INPP4B: variants seen among roughly 807,000 people sequenced by gnomAD.
INPP4B encodes inositol polyphosphate 4-phosphatase type II.
Under a neutral mutation model 122.5 loss-of-function variants are expected in INPP4B, and 55 were observed. That is an observed-to-expected ratio of 0.45 (90% CI 0.36 to 0.56). The LOEUF (loss-of-function observed/expected upper bound fraction) is 0.56. Among genes scored for constraint, INPP4B ranks in the 20% least tolerant of loss-of-function variants. The pLI, the probability that INPP4B is intolerant of heterozygous loss-of-function variation, is 0.00. For missense variants in INPP4B, 1,000 were observed against 1,097.7 expected (o/e 0.91, Z 1.26); for synonymous variants, 403 against 388.7 (o/e 1.04, Z -0.43).
chr4:142,805,282 G>C (rs928395341), intron 1 of INPP4B, among the ~76,000 whole-genome samples: 2 of 152,146 alleles, frequency 1.3e-5, no homozygotes, highest in Non-Finnish European at 2.9e-5. Context: ...AAGGATGTCC[G>C]CAATCACTGT....
At chr4:142,103,983 TA>T (rs903241057) in intron 23 of INPP4B, among the ~76,000 whole-genome samples, 6 of 151,798 alleles carry the variant, frequency 4.0e-5, no homozygotes, top group South Asian at 2.1e-4. Context: ...TAGAACAGGT[TA>T]AAAAAAAGCC....
At chr4:142,711,286 C>T (rs964106882) in intron 2 of INPP4B, among the ~76,000 whole-genome samples, 16 of 152,154 alleles carry the variant, frequency 1.1e-4, no homozygotes, top group African/African-American at 2.4e-4. Context: ...CCCACCACAA[C>T]GTACTCTGAC....
chr4:142,225,947 A>G (rs1851359899), intron 12 of INPP4B, among the ~76,000 whole-genome samples: 1 of 152,236 alleles, frequency 6.6e-6, no homozygotes, highest in Non-Finnish European at 1.5e-5. Context: ...AAAGGTGCAC[A>G]TGATATAACA....
At chr4:142,298,468 C>A (rs995056189) in intron 9 of INPP4B, among the ~76,000 whole-genome samples, 2 of 151,772 alleles carry the variant, frequency 1.3e-5, no homozygotes, top group Non-Finnish European at 2.9e-5. Flanking sequence ...GGGTAGATCA[C>A]GAGGTCAGGA....
chr4:142,465,136 G>T (rs576686895), intron 2 of INPP4B, among the ~76,000 whole-genome samples: 17 of 152,222 alleles, frequency 1.1e-4, no homozygotes, highest in Non-Finnish European at 2.1e-4. Context: ...ATATAGCAAT[G>T]AATAGATACA....
intron 18 of INPP4B, among the ~76,000 whole-genome samples, chr4:142,130,867 G>A (rs145591606): frequency 5.6e-4 from 85 of 152,250 alleles, no homozygotes; most frequent in African/African-American, 1.9e-3. Flanking sequence ...TTTAAACCCT[G>A]CCAGCCTGAG....
At chr4:142,303,414 T>C (rs1762239281) in intron 9 of INPP4B, among the ~76,000 whole-genome samples, 1 of 152,080 alleles carries the variant, frequency 6.6e-6, no homozygotes, top group Non-Finnish European at 1.5e-5. Flanking sequence ...TTAATGACTA[T>C]AAAATAAAAG....
At chr4:142,162,314 GAT>G (rs1330032269) in intron 16 of INPP4B, among the ~76,000 whole-genome samples, 33 of 151,124 alleles carry the variant, frequency 2.2e-4, no homozygotes, top group African/African-American at 7.8e-4. Context: ...GAGAATGAAA[GAT>G]ATAAAAAAAC....
At chr4:142,804,446 G>T (rs1778418408) in intron 1 of INPP4B, among the ~76,000 whole-genome samples, 1 of 152,086 alleles carries the variant, frequency 6.6e-6, no homozygotes, top group Non-Finnish European at 1.5e-5. Context: ...GCAACCACAG[G>T]GTTGAATACT....
chr4:142,789,130 C>A (rs915934137), intron 1 of INPP4B, among the ~76,000 whole-genome samples: 1 of 152,014 alleles, frequency 6.6e-6, no homozygotes, highest in Non-Finnish European at 1.5e-5. Flanking sequence ...CAACATAATA[C>A]CGACTGGGAA....
At chr4:142,358,368 A>C (rs1784302153) in intron 7 of INPP4B, among the ~76,000 whole-genome samples, 1 of 151,918 alleles carries the variant, frequency 6.6e-6, no homozygotes, top group Non-Finnish European at 1.5e-5. Context: ...GTTTACTAAT[A>C]GACTGTGAAA....
chr4:142,364,768 C>T (rs542136214), intron 7 of INPP4B, among the ~76,000 whole-genome samples: 4 of 152,130 alleles, frequency 2.6e-5, no homozygotes, highest in African/African-American at 9.6e-5. Context: ...GAAGGAAAGT[C>T]CCCCAACAGA....
chr4:142,056,976 C>T (rs1758036143), intron 25 of INPP4B, among the ~76,000 whole-genome samples: 2 of 152,030 alleles, frequency 1.3e-5, no homozygotes, highest in Admixed American at 6.6e-5. Context: ...CTCTGATTAG[C>T]GAGTTTTCAC....
chr4:142,262,494 C>T (rs1740577778), intron 10 of INPP4B, among the ~76,000 whole-genome samples: 1 of 152,110 alleles, frequency 6.6e-6, no homozygotes, highest in African/African-American at 2.4e-5. Context: ...TGAATCTTTC[C>T]TTAACCAACA....
At chr4:142,441,423 C>A (rs373583344) in intron 3 of INPP4B, among the ~76,000 whole-genome samples, 4 of 152,170 alleles carry the variant, frequency 2.6e-5, no homozygotes, top group East Asian at 1.9e-4. Context: ...AGCCACTAAC[C>A]TATCAGGAGA....
chr4:142,779,777 A>C lies in INPP4B; in HGVS notation c.-253-53876T>G, dbSNP rs1386274109. ...AATGAATAAAGGGAGGAAAGGAATG[A>C]AAGTGGGAAAGGAAGAAAGATAAAA... On this transcript the variant is annotated intron_variant, in intron 1 of 25. Coordinates refer to ENST00000262992, the MANE Select transcript of INPP4B (RefSeq NM_001101669.3). Among the ~76,000 whole-genome samples, 3 of 152,154 alleles carry C rather than the reference A, an allele frequency of 2.0e-5. No individual in the cohort carries two copies. The East Asian group carries it at 5.8e-4, about 29-fold the overall frequency.
chr4:142,222,541 C>T (rs1415749600), intron 12 of INPP4B, among the ~76,000 whole-genome samples: 1 of 152,174 alleles, frequency 6.6e-6, no homozygotes, highest in African/African-American at 2.4e-5. Context: ...CTAACAATTT[C>T]AATTGTTCTT....
intron 7 of INPP4B, among the ~76,000 whole-genome samples, chr4:142,369,009 G>C (rs76787734): frequency 0.02 from 3,010 of 152,146 alleles, 40 homozygotes; most frequent in Non-Finnish European, 0.032. Context: ...AGGAGGAGGA[G>C]AAGGAGGAAG....
intron 22 of INPP4B, among the ~76,000 whole-genome samples, chr4:142,109,192 T>A (rs1788766133): frequency 6.6e-6 from 1 of 151,918 alleles, no homozygotes; most frequent in Admixed American, 6.6e-5. Flanking sequence ...TTTAATCATA[T>A]CCAGTTTAGA....
Sources: allele counts gnomAD v4.1 joint callset (sites outside exome capture counted in the v4.1 genomes callset), GRCh38; gene constraint gnomAD v4.1.1; transcripts MANE v1.5; gene names NCBI Gene and HGNC (gene_info 2026-07-23, HGNC 2026-07-21).